The following CFAP61 variants were observed in gnomAD, a reference collection of about 807,000 sequenced individuals.
CFAP61 encodes cilia- and flagella-associated protein 61.
In CFAP61, 107 loss-of-function variants were observed where a neutral mutation model predicts 135.6. That is an observed-to-expected ratio of 0.79 (90% CI 0.67 to 0.93). CFAP61 has a LOEUF of 0.93. CFAP61 is among the 40% of genes least tolerant of loss of function. The pLI is 0.00. For synonymous variants in CFAP61, 575 were observed against 578.5 expected (o/e 0.99, Z 0.09); for missense variants, 1,507 against 1,556.2 (o/e 0.97, Z 0.53).
At chr20:20,284,865 C>G (rs1184517193) in intron 22 of CFAP61, among the ~76,000 whole-genome samples, 1 of 152,158 alleles carries the variant, frequency 6.6e-6, no homozygotes, top group African/African-American at 2.4e-5. Flanking sequence ...AAAGAATAGT[C>G]TTTTATAGAT....
chr20:20,155,417 T>C (rs180909568), intron 9 of CFAP61, among the ~76,000 whole-genome samples: 141 of 152,170 alleles, frequency 9.3e-4, no homozygotes, highest in South Asian at 6.0e-3. Flanking sequence ...GATAAATAGA[T>C]GGGACCTAAT....
intron 21 of CFAP61, chr20:20,265,743 A>C: frequency 2.2e-6 from 1 of 460,102 alleles, no homozygotes; most frequent in Non-Finnish European, 3.9e-6. Flanking sequence ...TGACCTGGCC[A>C]AGTTCATTTA....
At chr20:20,078,210 G>A (rs886359558) in intron 6 of CFAP61, among the ~76,000 whole-genome samples, 1 of 152,142 alleles carries the variant, frequency 6.6e-6, no homozygotes. Flanking sequence ...AGGCATGACC[G>A]ACCACCCAAT....
intron 26 of CFAP61, among the ~76,000 whole-genome samples, chr20:20,346,752 AC>A (rs1283315094): frequency 6.6e-6 from 1 of 152,196 alleles, no homozygotes; most frequent in Non-Finnish European, 1.5e-5. Flanking sequence ...TAACAAAAGA[AC>A]CCCAAAATAT....
chr20:20,334,550 A>G (rs562414556), intron 25 of CFAP61, among the ~76,000 whole-genome samples: 49 of 152,316 alleles, frequency 3.2e-4, no homozygotes, highest in African/African-American at 1.2e-3. Context: ...GAAAATTAGA[A>G]TTTCAGTCTT....
intron 8 of CFAP61, among the ~76,000 whole-genome samples, 172 bp downstream of exon 8, chr20:20,098,986 A>G (rs1274819376): frequency 6.6e-6 from 1 of 152,226 alleles, no homozygotes; most frequent in Non-Finnish European, 1.5e-5. Flanking sequence ...CTACAAGCAC[A>G]GATAGTCACA....
chr20:20,197,255 G>A lies in CFAP61; in HGVS notation c.1797+479G>A, dbSNP rs189964295. The stretch of plus-strand genomic sequence containing the variant: ...CTACTAGGTGATGGAGAGAAAGTGC[G>A]GAGATGCCTGATGCCGATGTAACCC... On this transcript the variant is annotated intron_variant, in intron 16 of 26. Coordinates refer to ENST00000245957, the MANE Select transcript of CFAP61 (RefSeq NM_015585.4). Among the ~76,000 whole-genome samples the A allele has an allele frequency of 3.0e-4, 46 of 152,252 alleles. 1 individual carries two copies. The highest frequency in any genetic ancestry group is 1.3e-4 in the Admixed American group (2 of 15,290).
At chr20:20,175,196 G>A (rs1338311458) in intron 13 of CFAP61, among the ~76,000 whole-genome samples, 2 of 152,204 alleles carry the variant, frequency 1.3e-5, no homozygotes, top group African/African-American at 2.4e-5. Context: ...TGGATGTACG[G>A]CCACCATGGA....
At chr20:20,323,531 G>A (rs1225381140) in intron 25 of CFAP61, among the ~76,000 whole-genome samples, 1 of 152,176 alleles carries the variant, frequency 6.6e-6, no homozygotes, top group Non-Finnish European at 1.5e-5. Flanking sequence ...GAAGAGTATT[G>A]ATGGCTAAGA....
At chr20:20,334,478 T>C (rs2058105410) in intron 25 of CFAP61, among the ~76,000 whole-genome samples, 1 of 152,206 alleles carries the variant, frequency 6.6e-6, no homozygotes, top group South Asian at 2.1e-4. Flanking sequence ...GGCAAAACAG[T>C]GCTCTGTAGC....
intron 9 of CFAP61, among the ~76,000 whole-genome samples, chr20:20,149,806 C>T (rs1383631144): frequency 6.6e-6 from 1 of 152,180 alleles, no homozygotes; most frequent in African/African-American, 2.4e-5. Context: ...AAACTTCCAA[C>T]TGAACTTTGT....
chr20:20,099,127 TCACACA>T (rs11087302), intron 8 of CFAP61, among the ~76,000 whole-genome samples: 5 of 149,356 alleles, frequency 3.3e-5, no homozygotes, highest in South Asian at 2.1e-4. Context: ...GTTTCAGGTT[TCACACA>T]CACACACACA....
chr20:20,155,885 G>A (rs2052862726), intron 9 of CFAP61, among the ~76,000 whole-genome samples: 1 of 152,152 alleles, frequency 6.6e-6, no homozygotes, highest in African/African-American at 2.4e-5. Context: ...ATTAAAAGTA[G>A]AACTACCATT....
chr20:20,302,483 G>GA (rs35739418), intron 25 of CFAP61, among the ~76,000 whole-genome samples: 27 of 152,072 alleles, frequency 1.8e-4, no homozygotes, highest in African/African-American at 6.3e-4. Flanking sequence ...CCAACATGGG[G>GA]AAAACGCATC....
chr20:20,075,453 T>G, intron 5 of CFAP61, 36 bp from the exon 6 acceptor site: 1 of 1,609,344 alleles, frequency 6.2e-7, no homozygotes, highest in South Asian at 1.1e-5. Context: ...TATTTCTTGA[T>G]AAATAAGGAC....
intron 25 of CFAP61, among the ~76,000 whole-genome samples, chr20:20,325,672 G>A (rs1260620453): frequency 1.3e-5 from 2 of 152,176 alleles, no homozygotes; most frequent in Non-Finnish European, 2.9e-5. Context: ...TAAAACTGCT[G>A]TAACATGTAC....
intron 15 of CFAP61, among the ~76,000 whole-genome samples, chr20:20,194,098 G>T (rs1308823220): frequency 6.6e-6 from 1 of 152,090 alleles, no homozygotes; most frequent in Non-Finnish European, 1.5e-5. Context: ...GAAATATCAT[G>T]TCTCTTTTGG....
chr20:20,204,513 A>G (rs757328187), intron 17 of CFAP61, among the ~76,000 whole-genome samples: 1 of 152,036 alleles, frequency 6.6e-6, no homozygotes, highest in Non-Finnish European at 1.5e-5. Context: ...TATAATTACC[A>G]TCTGATGGAC....
At position 20,263,014 on chromosome 20, in the gene CFAP61, ACAGCAGT is replaced by A; in HGVS notation, c.2392_2398del (p.Ser798GlyfsTer24). 6.2e-7 allele frequency: 1 copy of A among 1,614,028 alleles called. No homozygotes were observed. Reference sequence around the variant, plus strand: ...CACCTGACAAACAGGGAGGTTCCCAACAGCAGTCAGCGGCGGTACACGGGGAAAGTTC... The same window carrying A: ...CACCTGACAAACAGGGAGGTTCCCAACAGCGGCGGTACACGGGGAAAGTTC... On this transcript the variant is annotated frameshift_variant, in exon 21 of 27. Coordinates refer to ENST00000245957, the MANE Select transcript of CFAP61 (RefSeq NM_015585.4). LOFTEE classifies it high-confidence loss of function.
Sources: allele counts gnomAD v4.1 joint callset (sites outside exome capture counted in the v4.1 genomes callset), GRCh38; gene constraint gnomAD v4.1.1; transcripts MANE v1.5; gene names NCBI Gene and HGNC (gene_info 2026-07-23, HGNC 2026-07-21).